Variants in HIBADH observed in about 807,000 individuals in gnomAD.
The protein encoded by HIBADH is 3-hydroxyisobutyrate dehydrogenase.
In HIBADH, 25 loss-of-function variants were observed where a neutral mutation model predicts 36.1. The observed-to-expected ratio is 0.69, with a 90% confidence interval of 0.50 to 0.97. The LOEUF (loss-of-function observed/expected upper bound fraction) is 0.97. Among genes scored for constraint, HIBADH ranks in the 50% least tolerant of loss-of-function variants. The probability of loss-of-function intolerance (pLI) is 0.00; values close to 1 mark genes in which losing one functional copy is unlikely to be tolerated. For synonymous variants in HIBADH, 160 were observed against 149.5 expected, an observed-to-expected ratio of 1.07 and a Z score of -0.51; for missense variants, 421 against 418.0, an observed-to-expected ratio of 1.01 and a Z score of -0.06.
chr7:27,572,400 A>G (rs151051065), intron 4 of HIBADH, among the ~76,000 whole-genome samples: 1 of 152,348 alleles, frequency 6.6e-6, no homozygotes, highest in African/African-American at 2.4e-5. Flanking sequence ...AAGAAACAAA[A>G]CAGGTCCTTA....
chr7:27,557,050 G>A (rs965676322), intron 4 of HIBADH, among the ~76,000 whole-genome samples: 21 of 151,894 alleles, frequency 1.4e-4, no homozygotes, highest in African/African-American at 5.1e-4. Flanking sequence ...TGAGGCAGGA[G>A]GATCACTTGA....
chr7:27,613,173 A>AT (rs1785361128), intron 4 of HIBADH, among the ~76,000 whole-genome samples: 2 of 9,278 alleles, frequency 2.2e-4, no homozygotes, highest in Non-Finnish European at 3.3e-4. Context: ...ATATTTATAT[A>AT]AATATATTTA....
chr7:27,559,081 G>T (rs1784431322), intron 4 of HIBADH, among the ~76,000 whole-genome samples: 1 of 152,050 alleles, frequency 6.6e-6, no homozygotes, highest in South Asian at 2.1e-4. Flanking sequence ...TTTTCTCTTT[G>T]GTTTGTGGAT....
chr7:27,535,048 C>T (rs1156559612), intron 6 of HIBADH, among the ~76,000 whole-genome samples: 2 of 147,700 alleles, frequency 1.4e-5, no homozygotes, highest in Non-Finnish European at 3.0e-5. Flanking sequence ...TAATAGTCAA[C>T]AACTAGCCAG....
intron 4 of HIBADH, among the ~76,000 whole-genome samples, chr7:27,578,499 TAG>T (rs985083094): frequency 2.0e-5 from 3 of 152,060 alleles, no homozygotes; most frequent in Non-Finnish European, 4.4e-5. Context: ...TGTATTTTAG[TAG>T]AGACAGGGTT....
intron 4 of HIBADH, among the ~76,000 whole-genome samples, chr7:27,627,862 C>G (rs1785677017): frequency 6.6e-6 from 1 of 151,984 alleles, no homozygotes; most frequent in African/African-American, 2.4e-5. Flanking sequence ...TTAAAAATTG[C>G]TTGATAAGAA....
intron 4 of HIBADH, among the ~76,000 whole-genome samples, chr7:27,582,066 C>T (rs887492023): frequency 2.0e-5 from 3 of 152,112 alleles, no homozygotes; most frequent in African/African-American, 7.2e-5. Flanking sequence ...CATGCTTTGA[C>T]TTAGGATTAA....
At chr7:27,597,322 T>C (rs1785047678) in intron 4 of HIBADH, among the ~76,000 whole-genome samples, 1 of 151,858 alleles carries the variant, frequency 6.6e-6, no homozygotes, top group Admixed American at 6.6e-5. Context: ...AGGGACTAAA[T>C]AAATATTTTT....
At chr7:27,579,065 A>AGC (rs765033839) in intron 4 of HIBADH, among the ~76,000 whole-genome samples, 70 of 152,232 alleles carry the variant, frequency 4.6e-4, no homozygotes, top group Non-Finnish European at 9.4e-4. Flanking sequence ...ATGAAGAAAC[A>AGC]AAACAACTAA....
chr7:27,560,281 C>G (rs1428110977), intron 4 of HIBADH, among the ~76,000 whole-genome samples: 1 of 152,124 alleles, frequency 6.6e-6, no homozygotes, highest in African/African-American at 2.4e-5. Context: ...ACCACCACGC[C>G]TAATTTTTTG....
At chr7:27,533,548 G>A (rs1018553844) in intron 6 of HIBADH, among the ~76,000 whole-genome samples, 2 of 152,100 alleles carry the variant, frequency 1.3e-5, no homozygotes, top group African/African-American at 4.8e-5. Context: ...TCTTTCTGAG[G>A]ATTCGTTCTC....
At chr7:27,576,825 A>G (rs1394696330) in intron 4 of HIBADH, among the ~76,000 whole-genome samples, 1 of 152,150 alleles carries the variant, frequency 6.6e-6, no homozygotes, top group Admixed American at 6.5e-5. Flanking sequence ...TGTTTGGGGT[A>G]TTTTATTAAT....
At chr7:27,538,512 A>C in intron 5 of HIBADH, 95 bp from the exon 6 acceptor site, 1 of 981,526 alleles carries the variant, frequency 1.0e-6, no homozygotes, top group Non-Finnish European at 1.6e-6. Flanking sequence ...CTGCTTTCTA[A>C]AAGAAATAAC....
At position 27,662,843 on chromosome 7, in the gene HIBADH, A is replaced by C; in HGVS notation, c.-55T>G. 1.5e-6 allele frequency: 2 copies of C among 1,345,214 alleles called. No individual in the cohort carries two copies. The allele number at this position is 1,345,214 out of a possible 1,614,324, so 83.3% of individuals were successfully genotyped here. A position where few individuals can be genotyped will look rare whatever the true frequency, so the allele number is the denominator to read the frequency against. ...CTCCGCCGCCTCCCGGAGGGCCCAC[A>C]GACTGCGAGCGTGTGCAGCGGGACT... On this transcript the variant is annotated 5_prime_UTR_variant, in exon 1 of 8. Coordinates refer to ENST00000265395, the MANE Select transcript of HIBADH (RefSeq NM_152740.4).
intron 4 of HIBADH, among the ~76,000 whole-genome samples, chr7:27,567,691 T>C (rs981225879): frequency 6.3e-5 from 4 of 63,156 alleles, no homozygotes; most frequent in Non-Finnish European, 1.1e-4. Flanking sequence ...GATTACAATA[T>C]ACATACTAAA....
Position 27,659,310 on chromosome 7 carries a change from A to G in HIBADH, c.91+3388T>C, listed in dbSNP as rs943607238. On this transcript the variant is annotated intron_variant, in intron 1 of 7. Coordinates refer to ENST00000265395, the MANE Select transcript of HIBADH (RefSeq NM_152740.4). The stretch of plus-strand genomic sequence containing the variant: ...TACAAATAAGTCTGAAACTAAACTT[A>G]ATTACCTTCTAAAATAACATACACA... 2.6e-5 allele frequency among the ~76,000 whole-genome samples: 4 copies of G among 152,238 alleles called. No homozygotes were observed. In the East Asian group the frequency reaches 7.7e-4, roughly 29 times the overall value.
At chr7:27,564,110 G>A (rs1350693213) in intron 4 of HIBADH, among the ~76,000 whole-genome samples, 3 of 152,056 alleles carry the variant, frequency 2.0e-5, no homozygotes. Flanking sequence ...ATGTTAGCCA[G>A]GATGGTCTTG....
At chr7:27,531,860 G>A (rs1263299176) in intron 6 of HIBADH, among the ~76,000 whole-genome samples, 1 of 152,154 alleles carries the variant, frequency 6.6e-6, no homozygotes, top group Non-Finnish European at 1.5e-5. Context: ...AAATGCAAGA[G>A]ATGAGCCAGG....
intron 6 of HIBADH, among the ~76,000 whole-genome samples, chr7:27,532,451 C>T (rs1583555858): frequency 6.6e-6 from 1 of 152,204 alleles, no homozygotes; most frequent in African/African-American, 2.4e-5. Context: ...GTCTAAAACA[C>T]ATGCCTGTTT....
Sources: gnomAD v4.1 joint callset for allele counts (sites outside exome capture counted in the v4.1 genomes callset) on GRCh38, gnomAD v4.1.1 for gene constraint, MANE v1.5 for transcripts, NCBI Gene and HGNC (gene_info 2026-07-23, HGNC 2026-07-21) for gene names.